The following IMMP2L variants were observed in gnomAD, a reference collection of about 807,000 sequenced individuals.
IMMP2L encodes inner mitochondrial membrane peptidase subunit 2, also known as mitochondrial inner membrane protease subunit 2.
Under a neutral mutation model 19.3 loss-of-function variants are expected in IMMP2L, and 18 were observed. The ratio of observed to expected loss-of-function variants is 0.93; its 90% CI spans 0.64 to 1.38. The LOEUF (loss-of-function observed/expected upper bound fraction) is 1.38, where lower values mean the gene tolerates loss of function less well. Among genes scored for constraint, IMMP2L ranks in the 40% most tolerant of loss-of-function variants. The pLI is 0.00. For missense variants in IMMP2L, 233 were observed against 218.2 expected, an observed-to-expected ratio of 1.07 and a Z score of -0.43; for synonymous variants, 76 against 73.0, an observed-to-expected ratio of 1.04 and a Z score of -0.21.
intron 4 of IMMP2L, among the ~76,000 whole-genome samples, chr7:110,930,916 G>T (rs186689212): frequency 3.9e-5 from 6 of 152,304 alleles, no homozygotes; most frequent in African/African-American, 1.4e-4. Context: ...CCAGCAAAGT[G>T]CTATCCACAT....
chr7:111,339,487 T>C (rs1826796666), intron 3 of IMMP2L, among the ~76,000 whole-genome samples: 1 of 151,902 alleles, frequency 6.6e-6, no homozygotes, highest in Admixed American at 6.6e-5. Flanking sequence ...ACATTAGCTC[T>C]AGGAAGAACC....
intron 2 of IMMP2L, among the ~76,000 whole-genome samples, chr7:111,519,719 T>C (rs932850518): frequency 1.3e-5 from 2 of 152,092 alleles, no homozygotes; most frequent in African/African-American, 2.4e-5. Flanking sequence ...AGTAGGAATA[T>C]ATTAGGCTAA....
At chr7:110,674,422 G>A (rs74625928) in intron 5 of IMMP2L, among the ~76,000 whole-genome samples, 3,401 of 152,278 alleles carry the variant, frequency 0.022, 121 homozygotes, top group African/African-American at 0.077. Context: ...GATGATCAAT[G>A]TCAGGTGTGA....
intron 3 of IMMP2L, among the ~76,000 whole-genome samples, chr7:111,088,558 T>C (rs138596691): frequency 1.2e-3 from 175 of 152,166 alleles, no homozygotes; most frequent in Non-Finnish European, 1.9e-3. Context: ...CAGTAGATGA[T>C]AGGGTAATAT....
chr7:110,730,673 A>T lies in IMMP2L; in HGVS notation c.409-66952T>A, dbSNP rs10245348. On this transcript the variant is annotated intron_variant, in intron 5 of 5. Coordinates refer to ENST00000405709, the MANE Select transcript of IMMP2L (RefSeq NM_032549.4). ...CCCAGCAGCTGGGATTACAGGCGCCAGCCACCACGCCCAGCTAATTTTTTT... is the reference window on the plus strand; with the variant it reads ...CCCAGCAGCTGGGATTACAGGCGCCTGCCACCACGCCCAGCTAATTTTTTT... Among the ~76,000 whole-genome samples, 44 of 152,000 alleles carry T rather than the reference A, an allele frequency of 2.9e-4. No homozygotes were observed. The East Asian group carries it at 3.1e-3, about 11-fold the overall frequency.
intron 5 of IMMP2L, among the ~76,000 whole-genome samples, chr7:110,813,743 C>A (rs1440440591): frequency 2.5e-5 from 1 of 39,962 alleles, no homozygotes; most frequent in Non-Finnish European, 4.8e-5. Context: ...AGCAAACACA[C>A]CAGGATTTTT....
chr7:111,183,241 T>C (rs999106931), intron 3 of IMMP2L, among the ~76,000 whole-genome samples: 6 of 152,210 alleles, frequency 3.9e-5, no homozygotes, highest in Admixed American at 3.9e-4. Context: ...ATTATGTCGA[T>C]AAAATATCTC....
chr7:110,930,197 A>G (rs1476601071), intron 4 of IMMP2L, among the ~76,000 whole-genome samples: 1 of 152,108 alleles, frequency 6.6e-6, no homozygotes, highest in African/African-American at 2.4e-5. Context: ...TCCTTTTCAT[A>G]TGTCCTTTGG....
chr7:110,703,073 G>A (rs1794396181), intron 5 of IMMP2L, among the ~76,000 whole-genome samples: 1 of 152,018 alleles, frequency 6.6e-6, no homozygotes, highest in Non-Finnish European at 1.5e-5. Context: ...TGTTGCTGTA[G>A]GTTTTTATAG....
intron 3 of IMMP2L, among the ~76,000 whole-genome samples, chr7:111,314,102 A>C (rs1023900106): frequency 2.6e-5 from 4 of 152,066 alleles, no homozygotes; most frequent in Non-Finnish European, 5.9e-5. Flanking sequence ...CTTCCTGTAC[A>C]TCCTGAAGAA....
chr7:111,152,618 G>A (rs1804205615), intron 3 of IMMP2L, among the ~76,000 whole-genome samples: 1 of 152,098 alleles, frequency 6.6e-6, no homozygotes, highest in Admixed American at 6.6e-5. Flanking sequence ...TTAAGCTTCA[G>A]CTCAGTCCAT....
chr7:111,101,292 G>C (rs888479818), intron 3 of IMMP2L, among the ~76,000 whole-genome samples: 5 of 151,302 alleles, frequency 3.3e-5, no homozygotes, highest in Middle Eastern at 3.2e-3. Context: ...TACATCCCTA[G>C]TCATTGAACA....
chr7:110,955,997 G>A (rs1323666620), intron 4 of IMMP2L, among the ~76,000 whole-genome samples: 1 of 151,648 alleles, frequency 6.6e-6, no homozygotes, highest in Non-Finnish European at 1.5e-5. Context: ...ATTTAGTTCT[G>A]TTTTTCTTCC....
At chr7:110,844,693 TTA>T (rs200779148) in intron 5 of IMMP2L, among the ~76,000 whole-genome samples, 10 of 116,644 alleles carry the variant, frequency 8.6e-5, no homozygotes, top group African/African-American at 1.7e-4. Context: ...GGGAAGACAG[TTA>T]AGAAACTTCT....
intron 4 of IMMP2L, among the ~76,000 whole-genome samples, chr7:110,906,652 T>C (rs555101081): frequency 6.6e-6 from 1 of 152,126 alleles, no homozygotes; most frequent in Non-Finnish European, 1.5e-5. Flanking sequence ...TGCTTAGCCA[T>C]ATGATGGTGG....
chr7:111,148,124 G>T (rs1468589761), intron 3 of IMMP2L, among the ~76,000 whole-genome samples: 1 of 152,004 alleles, frequency 6.6e-6, no homozygotes, highest in Non-Finnish European at 1.5e-5. Flanking sequence ...ATCATCTGTT[G>T]AATGGATAAT....
intron 3 of IMMP2L, among the ~76,000 whole-genome samples, chr7:111,057,130 A>G (rs1485725064): frequency 6.6e-6 from 1 of 152,170 alleles, no homozygotes; most frequent in East Asian, 1.9e-4. Flanking sequence ...GCCACCGATA[A>G]TAACTAATTT....
intron 3 of IMMP2L, among the ~76,000 whole-genome samples, chr7:110,977,136 G>A (rs1820776624): frequency 6.6e-6 from 1 of 151,852 alleles, no homozygotes; most frequent in Non-Finnish European, 1.5e-5. Context: ...TATTTCTTAC[G>A]GTCATTAATT....
At chr7:111,231,558 C>T (rs1463122257) in intron 3 of IMMP2L, among the ~76,000 whole-genome samples, 1 of 151,924 alleles carries the variant, frequency 6.6e-6, no homozygotes, top group East Asian at 1.9e-4. Context: ...TTTTTTTCCC[C>T]TCTCATACCA....
Sources: gnomAD v4.1 joint callset for allele counts (sites outside exome capture counted in the v4.1 genomes callset) on GRCh38, gnomAD v4.1.1 for gene constraint, MANE v1.5 for transcripts, NCBI Gene and HGNC (gene_info 2026-07-23, HGNC 2026-07-21) for gene names.